HHIPL1: variants seen among roughly 807,000 people sequenced by gnomAD.
HHIPL1 encodes the protein HHIP-like protein 1.
A neutral mutation model predicts 61.8 loss-of-function variants in HHIPL1; 43 were observed. The ratio of observed to expected loss-of-function variants is 0.70; its 90% confidence interval spans 0.55 to 0.90. HHIPL1 has a LOEUF of 0.90. Ranked by LOEUF, HHIPL1 falls within the 40% of genes least tolerant of loss-of-function variation. The pLI, the probability that HHIPL1 is intolerant of heterozygous loss-of-function variation, is 0.00. For synonymous variants in HHIPL1, 482 were observed against 515.8 expected (o/e 0.93, Z 0.89); for missense variants, 1,056 against 1,157.7 (o/e 0.91, Z 1.28).
the HHIPL1 span, among the ~76,000 whole-genome samples, chr14:99,638,794 G>T: frequency 6.6e-6 from 1 of 152,334 alleles, no homozygotes; most frequent in East Asian, 1.9e-4. Context: ...TTCCGAAGCT[G>T]CATTTCCATT....
At chr14:99,615,699 A>G in the HHIPL1 span, among the ~76,000 whole-genome samples, 1 of 151,314 alleles carries the variant, frequency 6.6e-6, no homozygotes, top group Non-Finnish European at 1.5e-5. Flanking sequence ...AAGAAAGAGA[A>G]AGAAAGAAAG....
intron 1 of HHIPL1, among the ~76,000 whole-genome samples, chr14:99,645,988 G>GA (rs2055827160): frequency 1.3e-5 from 2 of 152,240 alleles, no homozygotes; most frequent in Admixed American, 6.5e-5. Flanking sequence ...CCCCCATCCT[G>GA]ATGCCCTTGC....
chr14:99,628,818 C>T, the HHIPL1 span, among the ~76,000 whole-genome samples: 2 of 152,112 alleles, frequency 1.3e-5, no homozygotes, highest in Non-Finnish European at 2.9e-5. Flanking sequence ...GCCTCAGTTT[C>T]CCTGTGGCTT....
chr14:99,655,353 G>A (rs2056010672), intron 2 of HHIPL1, among the ~76,000 whole-genome samples: 1 of 152,138 alleles, frequency 6.6e-6, no homozygotes, highest in Non-Finnish European at 1.5e-5. Flanking sequence ...TGGGTGCGGT[G>A]GCTCAAACCT....
chr14:99,628,825 G>C, the HHIPL1 span, among the ~76,000 whole-genome samples: 1 of 152,122 alleles, frequency 6.6e-6, no homozygotes, highest in Non-Finnish European at 1.5e-5. Context: ...TTTCCCTGTG[G>C]CTTCATAGAG....
chr14:99,670,498 G>A lies in HHIPL1; in HGVS notation c.1731-1819G>A, dbSNP rs181808973. On this transcript the variant is annotated intron_variant, in intron 7 of 8. Coordinates refer to ENST00000330710, the MANE Select transcript of HHIPL1 (RefSeq NM_001127258.3). ...ATCCTGTGTTGCCTTTAGTGGTTGC[G>A]TCTGCTTAGCTTTCCCCTGTTTGTG... is the stretch of plus-strand genomic sequence containing the variant. 1.8e-4 allele frequency among the ~76,000 whole-genome samples: 28 copies of A among 152,080 alleles called. No homozygotes were observed. The East Asian group carries it at 4.0e-3, about 22-fold the overall frequency.
Position 99,675,621 on chromosome 14 carries a change from C to G in HHIPL1, c.2344C>G (p.Leu782Val), listed in dbSNP as rs1253310871. ...GVVCSHQNPD[L>V] is the part of the protein sequence containing the mutation. ...CGTGTGCAGCCACCAGAACCCCGACCTGTAGGCAACACGCCGCTGCCCCAG... is the reference window on the plus strand; with the variant it reads ...CGTGTGCAGCCACCAGAACCCCGACGTGTAGGCAACACGCCGCTGCCCCAG... Residue 782 changes from leucine to valine, a missense_variant, in exon 9 of 9, where the codon CTG becomes GTG. By Grantham distance (32) the Leu-to-Val change is conservative (BLOSUM62 1). Coordinates refer to ENST00000330710, the MANE Select transcript of HHIPL1 (RefSeq NM_001127258.3). The surrounding 1 kb of genome is among the most constrained non-coding windows in gnomAD (Gnocchi z 5.4). 6.6e-7 allele frequency: 1 copy of G among 1,515,342 alleles called. No individual in the cohort carries two copies. The highest frequency in any genetic ancestry group is 1.4e-5 in the African/African-American group (1 of 72,368). The allele number at this position is 1,515,342 out of a possible 1,614,324, so 93.9% of individuals were successfully genotyped here.
chr14:99,640,099 T>C, the HHIPL1 span, among the ~76,000 whole-genome samples: 1 of 152,350 alleles, frequency 6.6e-6, no homozygotes, highest in Admixed American at 6.5e-5. Context: ...ATTATACTTG[T>C]TCTTTGGTCC....
chr14:99,675,580 A>C lies in HHIPL1; in HGVS notation c.2303A>C (p.Asp768Ala), dbSNP rs930869047. The C allele has an allele frequency of 3.9e-6, 6 of 1,534,970 alleles. No homozygotes were observed. Among genetic ancestry groups the C allele is most frequent in the Non-Finnish European group, 4.4e-6 (5 of 1,144,562 alleles). The stretch of plus-strand genomic sequence containing the variant: ...GTGGGCACCCACAACTGCGAGCACG[A>C]CGAGGATGCGGGCGTCGTGTGCAGC... ...NGVGTHNCEHDEDAGVVCSHQ... is the reference protein window; with the variant it reads ...NGVGTHNCEHAEDAGVVCSHQ... Residue 768 changes from aspartate to alanine, a missense_variant, in exon 9 of 9, where the codon GAC becomes GCC. Transcript: ENST00000330710. The surrounding 1 kb of genome is among the most constrained non-coding windows in gnomAD (Gnocchi z 5.4).
chr14:99,680,474 A>G lies in HHIPL1; in HGVS notation c.*4848A>G, dbSNP rs1415381845. On this transcript the variant is annotated 3_prime_UTR_variant, in exon 9 of 9. Transcript: ENST00000330710. ...GTTCTAGGGGCCATAGTCATTGTCC[A>G]TACTGGTGCTATCCAATAGAAACAT... The G allele has an allele frequency of 6.6e-6, 1 of 152,206 alleles. No individual in the cohort carries two copies. The highest frequency in any genetic ancestry group is 1.5e-5 in the Non-Finnish European group (1 of 68,044). 9.4% of individuals were successfully genotyped at this position (152,206 alleles called of 1,614,324 possible). A position where few individuals can be genotyped will look rare whatever the true frequency, so the allele number is the denominator to read the frequency against.
chr14:99,609,085 T>C, the HHIPL1 span, among the ~76,000 whole-genome samples: 3 of 152,198 alleles, frequency 2.0e-5, no homozygotes, highest in Non-Finnish European at 4.4e-5. Context: ...GCTTCAGGCT[T>C]TTCCATGTTG....
Position 99,675,683 on chromosome 14 carries a change from T to TC in HHIPL1, c.*59dup. The TC allele has an allele frequency of 6.9e-7, 1 of 1,440,164 alleles. No homozygotes were observed. The highest frequency in any genetic ancestry group is 9.1e-7 in the Non-Finnish European group (1 of 1,092,968). 89.2% of individuals were successfully genotyped at this position (1,440,164 alleles called of 1,614,324 possible). ...GGCGGGGGAGCCTGGCAGGGGCCGC[T>TC]CCGCCCTGTGTGCGCCCAGCGGGTG... On this transcript the variant is annotated 3_prime_UTR_variant, in exon 9 of 9. Coordinates refer to ENST00000330710, the MANE Select transcript of HHIPL1 (RefSeq NM_001127258.3). This position sits in a 1 kb window ranked among gnomAD's most constrained non-coding sequence, Gnocchi z 5.4.
intron 1 of HHIPL1, among the ~76,000 whole-genome samples, chr14:99,649,801 A>T (rs2055897174): frequency 6.6e-6 from 1 of 152,234 alleles, no homozygotes; most frequent in Non-Finnish European, 1.5e-5. Flanking sequence ...GTCTCAAAAA[A>T]TAAACAAATA....
chr14:99,650,259 T>C (rs12882870), intron 1 of HHIPL1, among the ~76,000 whole-genome samples: 148,679 of 152,294 alleles, frequency 0.98, 72,677 homozygotes, highest in Middle Eastern at 1. Flanking sequence ...CAGAGGCCTC[T>C]TGCTGGAACC....
In HHIPL1 at chr14:99,656,800, A is replaced by G. The variant is rs2056038336; in HGVS notation, c.903-200A>G. On this transcript the variant is annotated intron_variant, in intron 2 of 8. Coordinates refer to ENST00000330710, the MANE Select transcript of HHIPL1 (RefSeq NM_001127258.3). Reference sequence around the variant, plus strand: ...CAAAAAGAAAAGAAAAGAAAGAAAGAAAGAAAGAAAGAAAGAAAGAAAGAA... The same window carrying G: ...CAAAAAGAAAAGAAAAGAAAGAAAGGAAGAAAGAAAGAAAGAAAGAAAGAA... Among the ~76,000 whole-genome samples the G allele has an allele frequency of 2.2e-3, 4 of 1,848 alleles. 1 individual carries two copies. Among genetic ancestry groups the G allele is most frequent in the East Asian group, 0.25 (1 of 4 alleles). 1.2% of individuals were successfully genotyped at this position (1,848 alleles called of 152,430 possible).
chr14:99,622,795 T>C, the HHIPL1 span, among the ~76,000 whole-genome samples: 1 of 152,184 alleles, frequency 6.6e-6, no homozygotes, highest in Non-Finnish European at 1.5e-5. Flanking sequence ...TGGTTAAACT[T>C]CTCTGAGCCT....
At chr14:99,650,804 C>A (rs532089999) in intron 1 of HHIPL1, among the ~76,000 whole-genome samples, 1 of 152,384 alleles carries the variant, frequency 6.6e-6, no homozygotes, top group Non-Finnish European at 1.5e-5. Context: ...TGGCTTCCCC[C>A]ACGGCCATGG....
At chr14:99,615,669 A>G in the HHIPL1 span, among the ~76,000 whole-genome samples, 3 of 149,180 alleles carry the variant, frequency 2.0e-5, no homozygotes, top group Non-Finnish European at 4.5e-5. Flanking sequence ...AAGAAAGAAA[A>G]AGAAAGAAGG....
At chr14:99,623,232 T>C in the HHIPL1 span, among the ~76,000 whole-genome samples, 1 of 152,198 alleles carries the variant, frequency 6.6e-6, no homozygotes, top group Non-Finnish European at 1.5e-5. Flanking sequence ...TAACGGTGCC[T>C]GGGAGCTGCC....
Sources: gnomAD v4.1 joint callset for allele counts (sites outside exome capture counted in the v4.1 genomes callset) on GRCh38, gnomAD v4.1.1 for gene constraint, Gnocchi (gnomAD v3.1) non-coding constraint, MANE v1.5 for transcripts, NCBI Gene and HGNC (gene_info 2026-07-23, HGNC 2026-07-21) for gene names.